Variants in CLSTN2 observed in about 807,000 individuals in gnomAD.
The protein encoded by CLSTN2 is calsyntenin-2.
A neutral mutation model predicts 101.2 loss-of-function variants in CLSTN2; 48 were observed. The observed-to-expected ratio is 0.47, with a 90% CI of 0.38 to 0.60. CLSTN2 has a LOEUF of 0.60. Ranked by LOEUF, CLSTN2 falls within the 20% of genes least tolerant of loss-of-function variation. The pLI, the probability that CLSTN2 is intolerant of heterozygous loss-of-function variation, is 0.00. For missense variants in CLSTN2, 1,160 were observed against 1,238.2 expected, an observed-to-expected ratio of 0.94 and a Z score of 0.95; for synonymous variants, 481 against 463.6, an observed-to-expected ratio of 1.04 and a Z score of -0.48.
intron 2 of CLSTN2, among the ~76,000 whole-genome samples, chr3:140,390,567 TC>T (rs1351507614): frequency 6.6e-6 from 1 of 152,222 alleles, no homozygotes; most frequent in African/African-American, 2.4e-5. Context: ...AAATGTGAAT[TC>T]TGCAGTTGGA....
At chr3:140,471,000 T>C (rs970419821) in intron 8 of CLSTN2, among the ~76,000 whole-genome samples, 1 of 152,208 alleles carries the variant, frequency 6.6e-6, no homozygotes, top group African/African-American at 2.4e-5. Context: ...CAGCAGGCTC[T>C]GGCCAAGGTG....
intron 1 of CLSTN2, among the ~76,000 whole-genome samples, chr3:140,108,609 C>T (rs1303903608): frequency 6.6e-6 from 1 of 152,154 alleles, no homozygotes; most frequent in Admixed American, 6.5e-5. Context: ...TTTCAAAATA[C>T]TCCAGTCTCA....
intron 2 of CLSTN2, among the ~76,000 whole-genome samples, chr3:140,254,097 C>A (rs998890179): frequency 6.6e-6 from 1 of 152,170 alleles, no homozygotes; most frequent in Non-Finnish European, 1.5e-5. Context: ...GAAGGAGAGA[C>A]TCTTTACAAA....
At chr3:140,037,544 C>CT (rs567525086) in intron 1 of CLSTN2, among the ~76,000 whole-genome samples, 3,677 of 142,878 alleles carry the variant, frequency 0.026, 142 homozygotes, top group African/African-American at 0.083. Flanking sequence ...ATGCATTCGT[C>CT]TTTTTTTTTT....
intron 2 of CLSTN2, among the ~76,000 whole-genome samples, chr3:140,392,675 G>A (rs557485125): frequency 3.3e-5 from 5 of 152,182 alleles, no homozygotes; most frequent in African/African-American, 1.2e-4. Context: ...ATTTTTCGAG[G>A]AGGAGTTTTC....
rs372976745 is a variant in CLSTN2 at position 140,304,978 on chromosome 3, T to C, written c.233-98651T>C. ...TGCATTAGAGGCGAGCTATGCATGA[T>C]AGTTTGCTTCTCCCTGGAGGACATA... On this transcript the variant is annotated intron_variant, in intron 2 of 16. Coordinates refer to ENST00000458420, the MANE Select transcript of CLSTN2 (RefSeq NM_022131.3). 1.4e-4 allele frequency among the ~76,000 whole-genome samples: 21 copies of C among 151,856 alleles called. No individual in the cohort carries two copies. The East Asian group carries it at 3.7e-3, about 27-fold the overall frequency.
chr3:140,137,334 C>T (rs1451308931), intron 1 of CLSTN2, among the ~76,000 whole-genome samples: 3 of 106,740 alleles, frequency 2.8e-5, no homozygotes, highest in African/African-American at 1.0e-4. Context: ...CTGTTTCTTG[C>T]CTGGAAAGTT....
In CLSTN2 at chr3:140,184,668, C is replaced by T. The variant is rs1291706138; in HGVS notation, c.232+8595C>T. Among the ~76,000 whole-genome samples, 6 of 152,184 alleles carry T rather than the reference C, an allele frequency of 3.9e-5. No individual in the cohort carries two copies. In the South Asian group the frequency reaches 6.2e-4, roughly 16 times the overall value. On this transcript the variant is annotated intron_variant, in intron 2 of 16. Coordinates refer to ENST00000458420, the MANE Select transcript of CLSTN2 (RefSeq NM_022131.3). ...AGTGCAGGAGTGGACTACTAAAGGG[C>T]GTGGGGGGTAGGGTCATCAATGCAA... is the stretch of plus-strand genomic sequence containing the variant.
chr3:140,165,268 A>C lies in CLSTN2; in HGVS notation c.110-10683A>C, dbSNP rs188299188. ...GAGGCATGCCCTTTCTATTTGCGTG[A>C]TACAGGAATACCTACTCATTGGAAT... On this transcript the variant is annotated intron_variant, in intron 1 of 16. Transcript: ENST00000458420. 1.3e-3 allele frequency among the ~76,000 whole-genome samples: 194 copies of C among 152,282 alleles called. 1 individual carries two copies. Among genetic ancestry groups the C allele is most frequent in the Non-Finnish European group, 2.3e-3 (154 of 68,016 alleles).
chr3:140,166,769 C>T (rs1438981283), intron 1 of CLSTN2, among the ~76,000 whole-genome samples: 1 of 152,240 alleles, frequency 6.6e-6, no homozygotes, highest in South Asian at 2.1e-4. Flanking sequence ...AAGACACGGG[C>T]ATTTTCCAAA....
At chr3:140,305,938 G>A (rs2087110133) in intron 2 of CLSTN2, among the ~76,000 whole-genome samples, 1 of 151,906 alleles carries the variant, frequency 6.6e-6, no homozygotes, top group African/African-American at 2.4e-5. Flanking sequence ...CAGTGAACAT[G>A]TGTTACTTTT....
chr3:140,195,561 A>T (rs28412502), intron 2 of CLSTN2, among the ~76,000 whole-genome samples: 6,965 of 151,942 alleles, frequency 0.046, 504 homozygotes, highest in African/African-American at 0.16. Flanking sequence ...AATAGTTTTT[A>T]AAAAAAAATC....
At chr3:140,525,077 A>C (rs1468136099) in intron 8 of CLSTN2, among the ~76,000 whole-genome samples, 1 of 152,226 alleles carries the variant, frequency 6.6e-6, no homozygotes, top group African/African-American at 2.4e-5. Context: ...AATATAGCAG[A>C]AGAAAAGAAA....
intron 1 of CLSTN2, among the ~76,000 whole-genome samples, chr3:139,991,454 T>C (rs1320365418): frequency 6.6e-6 from 1 of 152,226 alleles, no homozygotes; most frequent in African/African-American, 2.4e-5. Context: ...CTTCTCCTTA[T>C]AGCAGTTCCC....
At chr3:140,338,838 C>G (rs1406864638) in intron 2 of CLSTN2, among the ~76,000 whole-genome samples, 1 of 152,170 alleles carries the variant, frequency 6.6e-6, no homozygotes, top group African/African-American at 2.4e-5. Flanking sequence ...CTCCTTGCCC[C>G]CTTATAGCCT....
intron 1 of CLSTN2, among the ~76,000 whole-genome samples, chr3:140,107,843 T>C (rs2107793129): frequency 6.6e-6 from 1 of 152,302 alleles, no homozygotes; most frequent in Middle Eastern, 3.4e-3. Context: ...CCTCAATCTT[T>C]TAATTCTCAC....
chr3:140,510,710 A>G (rs1934795120), intron 8 of CLSTN2, among the ~76,000 whole-genome samples: 1 of 152,208 alleles, frequency 6.6e-6, no homozygotes. Context: ...CCTTCCAGTG[A>G]AAACACACTA....
intron 4 of CLSTN2, among the ~76,000 whole-genome samples, chr3:140,405,623 T>A (rs1479423608): frequency 6.6e-6 from 1 of 152,074 alleles, no homozygotes; most frequent in Non-Finnish European, 1.5e-5. Flanking sequence ...AATAACCCAA[T>A]CCCAGACTGA....
At chr3:140,422,854 C>G (rs1178901536) in intron 5 of CLSTN2, among the ~76,000 whole-genome samples, 1 of 151,808 alleles carries the variant, frequency 6.6e-6, no homozygotes, top group East Asian at 1.9e-4. Flanking sequence ...TGTGGGTGCT[C>G]AAGAAATAGT....
Sources: allele counts gnomAD v4.1 joint callset (sites outside exome capture counted in the v4.1 genomes callset), GRCh38; gene constraint gnomAD v4.1.1; transcripts MANE v1.5; gene names NCBI Gene and HGNC (gene_info 2026-07-23, HGNC 2026-07-21).